The following SH3GLB2 variants were observed in gnomAD, a reference collection of about 807,000 sequenced individuals.
SH3GLB2 encodes the protein endophilin-B2.
Under a neutral mutation model 48.0 loss-of-function variants are expected in SH3GLB2, and 24 were observed. The observed-to-expected ratio is 0.50, with a 90% CI of 0.36 to 0.70. SH3GLB2 has a LOEUF of 0.70. Ranked by LOEUF, SH3GLB2 falls within the 30% of genes least tolerant of loss-of-function variation. SH3GLB2 has a pLI of 0.00. For missense variants in SH3GLB2, 425 were observed against 516.0 expected (o/e 0.82, Z 1.71); for synonymous variants, 227 against 207.6 (o/e 1.09, Z -0.80).
chr9:129,026,161 G>T (rs1006691060), intron 1 of SH3GLB2, among the ~76,000 whole-genome samples: 6 of 152,122 alleles, frequency 3.9e-5, no homozygotes, highest in African/African-American at 1.4e-4. Context: ...CCATACAAAA[G>T]GGATCCTGCC....
At chr9:129,012,372 C>G (rs1032534961) in intron 5 of SH3GLB2, 74 bp from the exon 6 acceptor site, 2 of 979,740 alleles carry the variant, frequency 2.0e-6, no homozygotes, top group African/African-American at 1.7e-5. Flanking sequence ...AGGAGGCTAC[C>G]CCAGAGTCTT....
In SH3GLB2 at chr9:129,014,837, G is replaced by A; in HGVS notation, c.402C>T (p.His134=). The A allele has an allele frequency of 6.2e-7, 1 of 1,614,048 alleles. No homozygotes were observed. Among genetic ancestry groups the A allele is most frequent in the Non-Finnish European group, 8.5e-7 (1 of 1,180,004 alleles). ...GTGTGAGGAAGCTGATGGAGGCCGT[G>A]TGGATAAAATCCCTCTCCGCGGCTC... ...QLGAAERDFI[H]TASISFLTPL... Residue 134 remains histidine, a synonymous_variant, in exon 4 of 11, where the codon CAC becomes CAT. Transcript: ENST00000372564. The surrounding 1 kb of genome is among the most constrained non-coding windows in gnomAD (Gnocchi z 4.1).
intron 3 of SH3GLB2, chr9:129,015,878 A>G: frequency 3.1e-6 from 1 of 321,590 alleles, no homozygotes. Flanking sequence ...TAAAAAAAAG[A>G]AAAGAAAAGA....
chr9:129,014,525 C>T lies in SH3GLB2; in HGVS notation c.469-22G>A, dbSNP rs1588317145. The T allele has an allele frequency of 6.4e-7, 1 of 1,551,160 alleles. No individual in the cohort carries two copies. The highest frequency in any genetic ancestry group is 8.7e-7 in the Non-Finnish European group (1 of 1,146,496). On this transcript the variant is annotated intron_variant, in intron 4 of 10. Coordinates refer to ENST00000372564, the MANE Select transcript of SH3GLB2 (RefSeq NM_020145.4). This position sits in a 1 kb window ranked among gnomAD's most constrained non-coding sequence, Gnocchi z 4.1. ...CCTTCTACAGGGCAGGGCATGGGGA[C>T]AGTGAGACCCTGGGCTGCCCTGGGA... is the stretch of plus-strand genomic sequence containing the variant.
In SH3GLB2 at chr9:129,014,519, T is replaced by G. The variant is rs1303063359; in HGVS notation, c.469-16A>C. On this transcript the variant is annotated splice_polypyrimidine_tract_variant and intron_variant, in intron 4 of 10. Coordinates refer to ENST00000372564, the MANE Select transcript of SH3GLB2 (RefSeq NM_020145.4). The surrounding 1 kb of genome is among the most constrained non-coding windows in gnomAD (Gnocchi z 4.1). ...GCCTCTCCTTCTACAGGGCAGGGCA[T>G]GGGGACAGTGAGACCCTGGGCTGCC... 6.4e-7 allele frequency: 1 copy of G among 1,551,380 alleles called. No individual in the cohort carries two copies. Among genetic ancestry groups the G allele is most frequent in the East Asian group, 2.4e-5 (1 of 40,920 alleles).
intron 3 of SH3GLB2, among the ~76,000 whole-genome samples, chr9:129,019,073 T>C (rs1588328025): frequency 6.7e-6 from 1 of 149,712 alleles, no homozygotes; most frequent in Non-Finnish European, 1.5e-5. Context: ...ACTTTTGGGG[T>C]GTGATGGAAA....
At chr9:129,012,882 G>A in intron 5 of SH3GLB2, 1 of 1,226,658 alleles carries the variant, frequency 8.2e-7, no homozygotes, top group Non-Finnish European at 1.2e-6. Flanking sequence ...GCACAGTAGA[G>A]GCTCTGGCGG....
chr9:129,017,901 CAA>C (rs900509486), intron 3 of SH3GLB2, among the ~76,000 whole-genome samples: 26 of 64,764 alleles, frequency 4.0e-4, no homozygotes, highest in Admixed American at 7.5e-4. Flanking sequence ...CCGTCTCAAA[CAA>C]AAAAAAAAAA....
Position 129,014,914 on chromosome 9 carries a change from C to G in SH3GLB2, c.335-10G>C, listed in dbSNP as rs1554833754. The G allele has an allele frequency of 6.2e-7, 1 of 1,612,372 alleles. No individual in the cohort carries two copies. The highest frequency in any genetic ancestry group is 1.7e-5 in the Admixed American group (1 of 59,758). On this transcript the variant is annotated splice_polypyrimidine_tract_variant and intron_variant, in intron 3 of 10. Coordinates refer to ENST00000372564, the MANE Select transcript of SH3GLB2 (RefSeq NM_020145.4). This position sits in a 1 kb window ranked among gnomAD's most constrained non-coding sequence, Gnocchi z 4.1. ...TTGATCAGTGTCTTCCCTGAGAAAA[C>G]AGAGTTGAAGCGTGAGGAAGAAGGT...
At chr9:129,010,237 C>T (rs919811067) in intron 7 of SH3GLB2, 28 bp from the exon 8 acceptor site, 2 of 1,591,790 alleles carry the variant, frequency 1.3e-6, no homozygotes, top group Non-Finnish European at 1.7e-6. Flanking sequence ...GCCATGAGCA[C>T]CCACACACCA....
chr9:129,008,505 GA>G lies in SH3GLB2; in HGVS notation c.*178del. On this transcript the variant is annotated 3_prime_UTR_variant, in exon 11 of 11. Transcript: ENST00000372564. ...CCACAGGTCAGAAGCAGGGCTGGGG[GA>G]GGGGTGGAGCCATTCAGCCTCAGGC... 1.7e-6 allele frequency: 1 copy of G among 577,624 alleles called. No individual in the cohort carries two copies. The highest frequency in any genetic ancestry group is 3.2e-6 in the Non-Finnish European group (1 of 317,284). The allele number at this position is 577,624 out of a possible 1,614,324, so 35.8% of individuals were successfully genotyped here. A position where few individuals can be genotyped will look rare whatever the true frequency, so the allele number is the denominator to read the frequency against.
chr9:129,009,719 A>G, intron 9 of SH3GLB2, 52 bp downstream of exon 9: 1 of 1,521,930 alleles, frequency 6.6e-7, no homozygotes, highest in Non-Finnish European at 9.0e-7. Context: ...GCCCACGGAC[A>G]GGGTATGGGA....
Position 129,014,985 on chromosome 9 carries a change from T to C in SH3GLB2, c.335-81A>G. Reference sequence around the variant, plus strand: ...CTACAGGAGAGGGCTCAGGAAGAGCTTGCTGAAGAGCAAGGGCCGGGGTGC... The same window carrying C: ...CTACAGGAGAGGGCTCAGGAAGAGCCTGCTGAAGAGCAAGGGCCGGGGTGC... On this transcript the variant is annotated intron_variant, in intron 3 of 10. Transcript: ENST00000372564. The surrounding 1 kb of genome is among the most constrained non-coding windows in gnomAD (Gnocchi z 4.1). The C allele has an allele frequency of 1.3e-6, 2 of 1,539,094 alleles. No individual in the cohort carries two copies. Among genetic ancestry groups the C allele is most frequent in the East Asian group, 4.5e-5 (2 of 44,296 alleles).
intron 5 of SH3GLB2, chr9:129,013,113 G>A: frequency 6.9e-7 from 1 of 1,444,268 alleles, no homozygotes. Context: ...CCAGGCCCCA[G>A]TGGGAGGGGA....
chr9:129,012,955 G>C (rs971955804), intron 5 of SH3GLB2: 1 of 1,550,378 alleles, frequency 6.5e-7, no homozygotes, highest in South Asian at 1.2e-5. Context: ...GTGGGTCCAC[G>C]GGCAAGATGG....
chr9:129,010,580 TGAGA>T (rs1843055409), intron 7 of SH3GLB2, 86 bp downstream of exon 7: 1 of 1,461,592 alleles, frequency 6.8e-7, no homozygotes, highest in East Asian at 2.3e-5. Context: ...TGGGGCAGAG[TGAGA>T]AACAGATCAG....
chr9:129,012,173 C>T (rs540029552), intron 6 of SH3GLB2, 63 bp downstream of exon 6: 1 of 802,732 alleles, frequency 1.2e-6, no homozygotes, highest in South Asian at 5.8e-5. Flanking sequence ...CAGTCAGAGG[C>T]AGTGGTGTGG....
chr9:129,009,067 C>T, intron 10 of SH3GLB2, 39 bp downstream of exon 10: 1 of 1,602,042 alleles, frequency 6.2e-7, no homozygotes, highest in Non-Finnish European at 8.5e-7. Flanking sequence ...TGCTCCTCAC[C>T]CAGCCCATTC....
At position 129,009,188 on chromosome 9, in the gene SH3GLB2, G is replaced by T. The variant is rs902115099; in HGVS notation, c.998C>A (p.Pro333His). 1.2e-6 allele frequency: 2 copies of T among 1,610,060 alleles called. No individual in the cohort carries two copies. Among genetic ancestry groups the T allele is most frequent in the African/African-American group, 2.7e-5 (2 of 74,900 alleles). Residue 333 changes from proline (P) to histidine (H), a missense_variant, in exon 10 of 11, where the codon CCT (proline) becomes CAT (histidine). Transcript: ENST00000372564. ...ASLCLEEVAP[P>H]ASGTRKARVL... Reference sequence around the variant, plus strand: ...CCGAGCTTTGCGGGTCCCACTGGCAGGGGGGGCCACCTCTTCCAGGCAGAG... The same window carrying T: ...CCGAGCTTTGCGGGTCCCACTGGCATGGGGGGCCACCTCTTCCAGGCAGAG...
Sources: allele counts gnomAD v4.1 joint callset (sites outside exome capture counted in the v4.1 genomes callset), GRCh38; gene constraint gnomAD v4.1.1; non-coding constraint Gnocchi (gnomAD v3.1); transcripts MANE v1.5; gene names NCBI Gene and HGNC (gene_info 2026-07-23, HGNC 2026-07-21).